Variants in NRG1 observed in about 807,000 individuals in gnomAD.
The protein encoded by NRG1 is neuregulin 1.
NRG1 carries 18 observed loss-of-function variants against 63.8 expected under a neutral mutation model. That is an observed-to-expected ratio of 0.28 (90% CI 0.19 to 0.42). The LOEUF is 0.42. Among genes scored for constraint, NRG1 ranks in the 10% least tolerant of loss-of-function variants. NRG1 has a pLI of 1.00. For missense variants in NRG1, 762 were observed against 814.7 expected (o/e 0.94, Z 0.79); for synonymous variants, 302 against 301.3 (o/e 1.00, Z -0.02).
chr8:31,819,002 C>T (rs1002905733), intron 1 of NRG1, among the ~76,000 whole-genome samples: 1 of 152,018 alleles, frequency 6.6e-6, no homozygotes, highest in East Asian at 1.9e-4. Flanking sequence ...TGCAGTGAGC[C>T]GAGATCGCGC....
chr8:31,781,415 T>C (rs908323254), intron 1 of NRG1, among the ~76,000 whole-genome samples: 1 of 152,170 alleles, frequency 6.6e-6, no homozygotes, highest in Non-Finnish European at 1.5e-5. Flanking sequence ...TTTCATGTGG[T>C]TTACATGTGG....
chr8:32,344,485 G>T (rs1804597809), intron 1 of NRG1, among the ~76,000 whole-genome samples: 1 of 148,212 alleles, frequency 6.7e-6, no homozygotes, highest in Non-Finnish European at 1.5e-5. Flanking sequence ...AGGCTGGAGT[G>T]CACTGGTACA....
chr8:32,369,884 G>A (rs561605630), intron 1 of NRG1, among the ~76,000 whole-genome samples: 2 of 152,258 alleles, frequency 1.3e-5, no homozygotes, highest in East Asian at 3.9e-4. Flanking sequence ...TCAGGAGAAA[G>A]AAGTAAAGAT....
At chr8:32,237,269 A>G (rs538056833) in intron 1 of NRG1, among the ~76,000 whole-genome samples, 6 of 152,248 alleles carry the variant, frequency 3.9e-5, no homozygotes, top group African/African-American at 1.2e-4. Context: ...GCAAAGCTCT[A>G]TATGTTTCCT....
chr8:31,954,838 G>A lies in NRG1; in HGVS notation c.37+315407G>A, dbSNP rs574442879. Among the ~76,000 whole-genome samples, 196 of 152,214 alleles carry A rather than the reference G, an allele frequency of 1.3e-3. 1 individual carries two copies. The highest frequency in any genetic ancestry group is 5.6e-3 in the Admixed American group (86 of 15,294). On this transcript the variant is annotated intron_variant, in intron 1 of 10. Coordinates refer to the NRG1 transcript ENST00000519301. ...TGTCAATTCACAACTTTGAATTAAG[G>A]TCTCTAGGCGTTCTAATTATCAGAG...
chr8:31,877,690 A>AT (rs563270479), intron 1 of NRG1, among the ~76,000 whole-genome samples: 3 of 152,220 alleles, frequency 2.0e-5, no homozygotes, highest in African/African-American at 7.2e-5. Flanking sequence ...CATAATTCCA[A>AT]TTAGAGCAGT....
intron 1 of NRG1, among the ~76,000 whole-genome samples, chr8:32,322,876 AT>A (rs1801581355): frequency 8.8e-6 from 1 of 113,980 alleles, no homozygotes; most frequent in African/African-American, 3.2e-5. Context: ...TTTTTTTTTC[AT>A]ACTTATAACA....
At chr8:32,103,222 C>G (rs532480904) in intron 1 of NRG1, among the ~76,000 whole-genome samples, 3 of 152,278 alleles carry the variant, frequency 2.0e-5, no homozygotes, top group South Asian at 2.1e-4. Context: ...TCCTTCCATT[C>G]TCTATCTCCA....
chr8:31,836,382 G>A (rs75683680), intron 1 of NRG1, among the ~76,000 whole-genome samples: 3,990 of 152,114 alleles, frequency 0.026, 172 homozygotes, highest in African/African-American at 0.09. Context: ...TTTGTTGGGA[G>A]CAAAAGAGTT....
At chr8:32,654,353 G>A (rs890224151) in intron 5 of NRG1, among the ~76,000 whole-genome samples, 3 of 152,178 alleles carry the variant, frequency 2.0e-5, no homozygotes, top group Non-Finnish European at 2.9e-5. Flanking sequence ...TTTTGGCCAG[G>A]TGCGGTGGCT....
chr8:32,510,385 G>A (rs900928633), intron 1 of NRG1, among the ~76,000 whole-genome samples: 3 of 151,578 alleles, frequency 2.0e-5, no homozygotes, highest in African/African-American at 4.8e-5. Context: ...ATAAAAAAAG[G>A]AGGAAAGGAA....
chr8:32,326,113 G>A (rs538668667), intron 1 of NRG1, among the ~76,000 whole-genome samples: 3 of 151,426 alleles, frequency 2.0e-5, no homozygotes, highest in East Asian at 2.0e-4. Context: ...GGGTTCAAGC[G>A]ATTCTCCTGC....
At chr8:32,018,015 G>A (rs764970145) in intron 1 of NRG1, among the ~76,000 whole-genome samples, 1 of 152,150 alleles carries the variant, frequency 6.6e-6, no homozygotes, top group Non-Finnish European at 1.5e-5. Flanking sequence ...CTACCTAGGG[G>A]TTGCCAGTCC....
intron 1 of NRG1, among the ~76,000 whole-genome samples, chr8:32,492,987 A>G (rs983226633): frequency 6.6e-6 from 1 of 152,162 alleles, no homozygotes; most frequent in African/African-American, 2.4e-5. Flanking sequence ...ACTGGATTGT[A>G]ATTAACACAG....
intron 1 of NRG1, among the ~76,000 whole-genome samples, chr8:31,857,112 A>T (rs1563490684): frequency 6.6e-6 from 1 of 152,242 alleles, no homozygotes; most frequent in African/African-American, 2.4e-5. Flanking sequence ...AGAGGCAGGC[A>T]GGCCTCCTTG....
chr8:32,135,433 C>T, intron 1 of NRG1, among the ~76,000 whole-genome samples: 1 of 151,924 alleles, frequency 6.6e-6, no homozygotes, highest in East Asian at 1.9e-4. Flanking sequence ...AGTGAAGATG[C>T]ATAGGAGTTT....
intron 1 of NRG1, among the ~76,000 whole-genome samples, chr8:31,824,406 A>G (rs1443589933): frequency 1.3e-5 from 2 of 152,090 alleles, no homozygotes; most frequent in Admixed American, 6.5e-5. Flanking sequence ...ACTGCTTTCA[A>G]TTCCTGAAGG....
chr8:32,167,529 G>A (rs1839527419), intron 1 of NRG1, among the ~76,000 whole-genome samples: 1 of 152,082 alleles, frequency 6.6e-6, no homozygotes, highest in South Asian at 2.1e-4. Flanking sequence ...CCCTCCACTG[G>A]TTGATATTCT....
chr8:31,760,717 G>T (rs1478889497), intron 1 of NRG1, among the ~76,000 whole-genome samples: 1 of 152,112 alleles, frequency 6.6e-6, no homozygotes, highest in African/African-American at 2.4e-5. Context: ...ATCATCACTG[G>T]CCATCAGAGA....
Sources: gnomAD v4.1 joint callset for allele counts (sites outside exome capture counted in the v4.1 genomes callset) on GRCh38, gnomAD v4.1.1 for gene constraint, MANE v1.5 for transcripts, NCBI Gene and HGNC (gene_info 2026-07-23, HGNC 2026-07-21) for gene names.